ZNF385D: variants seen among roughly 807,000 people sequenced by gnomAD.
ZNF385D encodes zinc finger protein 659.
ZNF385D carries 15 observed loss-of-function variants against 35.8 expected under a neutral mutation model. The ratio of observed to expected loss-of-function variants is 0.42; its 90% CI spans 0.28 to 0.64. ZNF385D has a LOEUF of 0.64. ZNF385D is among the 30% of genes least tolerant of loss of function. The probability of loss-of-function intolerance (pLI) is 0.23; values close to 1 mark genes in which losing one functional copy is unlikely to be tolerated. For synonymous variants in ZNF385D, 212 were observed against 186.8 expected (o/e 1.13, Z -1.10); for missense variants, 474 against 494.6 (o/e 0.96, Z 0.39).
At chr3:22,142,525 T>C (rs1458871862) in intron 3 of ZNF385D, among the ~76,000 whole-genome samples, 1 of 152,192 alleles carries the variant, frequency 6.6e-6, no homozygotes, top group Non-Finnish European at 1.5e-5. Context: ...TATTTATTGC[T>C]TTATTAACAT....
chr3:21,942,649 A>G (rs1236884582), intron 3 of ZNF385D: 1 of 152,196 alleles, frequency 6.6e-6, no homozygotes, highest in African/African-American at 2.4e-5. Flanking sequence ...CATGATTGCT[A>G]TAATAAGGAA....
At chr3:21,759,681 G>A (rs1210959274) in intron 3 of ZNF385D, among the ~76,000 whole-genome samples, 1 of 152,112 alleles carries the variant, frequency 6.6e-6, no homozygotes, top group African/African-American at 2.4e-5. Flanking sequence ...TTCCTGGGCA[G>A]CTATTTCAGA....
At chr3:21,963,629 C>T (rs987943162) in intron 3 of ZNF385D, among the ~76,000 whole-genome samples, 1 of 152,142 alleles carries the variant, frequency 6.6e-6, no homozygotes, top group Non-Finnish European at 1.5e-5. Context: ...GACAGTTTCT[C>T]CATTCATACG....
intron 3 of ZNF385D, among the ~76,000 whole-genome samples, chr3:22,028,945 T>C (rs890719476): frequency 2.6e-5 from 4 of 152,142 alleles, no homozygotes; most frequent in African/African-American, 7.2e-5. Context: ...ATGGTACTGT[T>C]TCTCCCATAG....
At chr3:22,094,403 T>C (rs964505403) in intron 3 of ZNF385D, among the ~76,000 whole-genome samples, 1 of 80,952 alleles carries the variant, frequency 1.2e-5, no homozygotes, top group Admixed American at 1.2e-4. Flanking sequence ...TATATATATA[T>C]ATATATAAAG....
intron 1 of ZNF385D, among the ~76,000 whole-genome samples, chr3:21,718,130 G>A (rs2125439508): frequency 6.6e-6 from 1 of 152,302 alleles, no homozygotes; most frequent in East Asian, 1.9e-4. Flanking sequence ...GAACAGGGTT[G>A]CTTGGCATAT....
chr3:21,727,908 C>T (rs1002329519), intron 1 of ZNF385D, among the ~76,000 whole-genome samples: 1 of 152,118 alleles, frequency 6.6e-6, no homozygotes, highest in African/African-American at 2.4e-5. Flanking sequence ...AGACTTGGAA[C>T]CAACCCAAAT....
chr3:22,261,092 T>TATCCATCC (rs151146640), intron 2 of ZNF385D, among the ~76,000 whole-genome samples: 8 of 150,682 alleles, frequency 5.3e-5, no homozygotes, highest in Middle Eastern at 3.4e-3. Context: ...TACAACTATC[T>TATCCATCC]ATCCATCCAT....
intron 2 of ZNF385D, among the ~76,000 whole-genome samples, chr3:22,236,035 T>C (rs1248174381): frequency 1.3e-5 from 2 of 152,048 alleles, no homozygotes; most frequent in Admixed American, 1.3e-4. Context: ...GCAACATTGA[T>C]TGTAACAGCA....
At chr3:21,966,639 T>A (rs1702929842) in intron 3 of ZNF385D, among the ~76,000 whole-genome samples, 1 of 152,224 alleles carries the variant, frequency 6.6e-6, no homozygotes, top group African/African-American at 2.4e-5. Context: ...TGGAGTGCAG[T>A]GGTGCAATCT....
chr3:21,542,625 G>C (rs1462454363), intron 3 of ZNF385D, among the ~76,000 whole-genome samples: 1 of 152,172 alleles, frequency 6.6e-6, no homozygotes, highest in East Asian at 1.9e-4. Flanking sequence ...TGGGATTACA[G>C]GTGTGTGCCA....
Position 22,008,360 on chromosome 3 carries a change from C to CTTTTTTTTTTT in ZNF385D, c.325+160446_325+160456dup, listed in dbSNP as rs67145956. Reference sequence around the variant, plus strand: ...TCACTTTCATACAGGCCATGATTTTCTTTTTTTTTTTTGAGGCGGAGTCTC... The same window carrying CTTTTTTTTTTT: ...TCACTTTCATACAGGCCATGATTTTCTTTTTTTTTTTTTTTTTTTTTTTGAGGCGGAGTCTC... On this transcript the variant is annotated intron_variant, in intron 3 of 5. Transcript: ENST00000494108. Among the ~76,000 whole-genome samples the CTTTTTTTTTTT allele has an allele frequency of 9.9e-5, 13 of 131,914 alleles. 1 individual carries two copies. Among genetic ancestry groups the CTTTTTTTTTTT allele is most frequent in the African/African-American group, 1.2e-4 (4 of 33,066 alleles). The allele number at this position is 131,914 out of a possible 152,430, so 86.5% of individuals were successfully genotyped here.
At chr3:22,024,337 G>C (rs1373217558) in intron 3 of ZNF385D, among the ~76,000 whole-genome samples, 2 of 151,958 alleles carry the variant, frequency 1.3e-5, no homozygotes, top group Non-Finnish European at 2.9e-5. Flanking sequence ...GTGTATGATA[G>C]GATACCTATA....
chr3:22,339,881 G>A (rs924229740), intron 2 of ZNF385D, among the ~76,000 whole-genome samples: 1 of 152,042 alleles, frequency 6.6e-6, no homozygotes, highest in Non-Finnish European at 1.5e-5. Context: ...TGAATCTCTG[G>A]TCCTCTGATC....
chr3:21,520,576 A>G (rs1166036430), intron 3 of ZNF385D, among the ~76,000 whole-genome samples: 2 of 152,142 alleles, frequency 1.3e-5, no homozygotes, highest in African/African-American at 4.8e-5. Flanking sequence ...AACACAAACT[A>G]TTATTTTTTC....
intron 3 of ZNF385D, among the ~76,000 whole-genome samples, chr3:22,121,082 T>G (rs1457553755): frequency 6.6e-6 from 1 of 152,232 alleles, no homozygotes; most frequent in Non-Finnish European, 1.5e-5. Context: ...TGCCTGGTTG[T>G]TGCCTACTGT....
At chr3:21,574,562 T>A (rs2063437193) in intron 2 of ZNF385D, among the ~76,000 whole-genome samples, 1 of 152,158 alleles carries the variant, frequency 6.6e-6, no homozygotes, top group Non-Finnish European at 1.5e-5. Flanking sequence ...TTAGTTGTAA[T>A]CATTGTGGCA....
intron 3 of ZNF385D, among the ~76,000 whole-genome samples, chr3:21,796,905 T>A (rs887441864): frequency 9.9e-5 from 15 of 152,238 alleles, no homozygotes; most frequent in Middle Eastern, 6.8e-3. Flanking sequence ...GGACTCTGAG[T>A]TCCCACCTCC....
In ZNF385D at chr3:21,437,176, G is replaced by A; in HGVS notation, c.467C>T (p.Ser156Leu). 6.2e-7 allele frequency: 1 copy of A among 1,613,678 alleles called. No individual in the cohort carries two copies. The highest frequency in any genetic ancestry group is 8.5e-7 in the Non-Finnish European group (1 of 1,179,822). ...TDGTAGTPAI[S>L]TTTTVEIRKS... ...GCGGATTTCCACAGTTGTCGTCGTTGATATTGCTGGTGTCCCTGCAGTACC... is the reference window on the plus strand; with the variant it reads ...GCGGATTTCCACAGTTGTCGTCGTTAATATTGCTGGTGTCCCTGCAGTACC... Residue 156 changes from serine (S) to leucine (L), a missense_variant, in exon 5 of 8, where the codon TCA becomes TTA. Physicochemically the swap from Ser to Leu is moderately radical, Grantham distance 145. Transcript: ENST00000281523.
Sources: allele counts gnomAD v4.1 joint callset (sites outside exome capture counted in the v4.1 genomes callset), GRCh38; gene constraint gnomAD v4.1.1; transcripts MANE v1.5; gene names NCBI Gene and HGNC (gene_info 2026-07-23, HGNC 2026-07-21).